MMP10: variants seen among roughly 807,000 people sequenced by gnomAD.
MMP10 encodes the protein matrix metallopeptidase 10, also known as stromelysin-2.
MMP10 carries 50 observed loss-of-function variants against 49.1 expected under a neutral mutation model. The observed-to-expected ratio is 1.02, with a 90% CI of 0.81 to 1.29. The LOEUF (loss-of-function observed/expected upper bound fraction) is 1.29. Among genes scored for constraint, MMP10 ranks in the 50% most tolerant of loss-of-function variants. The pLI is 0.00. For synonymous variants in MMP10, 229 were observed against 201.6 expected (o/e 1.14, Z -1.15); for missense variants, 613 against 563.8 (o/e 1.09, Z -0.88).
In MMP10 at chr11:102,780,492, C is replaced by A; in HGVS notation, c.100G>T (p.Ala34Ser). 6.2e-7 allele frequency: 1 copy of A among 1,613,812 alleles called. No homozygotes were observed. The highest frequency in any genetic ancestry group is 1.1e-5 in the South Asian group (1 of 91,026). The change falls in exon 1 of 10, where the codon GCC becomes TCC. Residue 34 changes from alanine (A) to serine (S), a missense_variant. Physicochemically the swap from Ala to Ser is moderately conservative, Grantham distance 99 (BLOSUM62 1). Transcript: ENST00000279441. ...AKEEDSNKDL[A>S]QQYLEKYYNL... ...TAGATGCCACCGTTAATTACCTGGG[C>A]AAGATCCTTGTTGGAGTCCTCCTCT...
In MMP10 at chr11:102,775,278, G is replaced by T; in HGVS notation, c.976C>A (p.His326Asn). The T allele has an allele frequency of 6.2e-7, 1 of 1,609,506 alleles. No homozygotes were observed. The highest frequency in any genetic ancestry group is 8.5e-7 in the Non-Finnish European group (1 of 1,177,524). ...RSHWNPEPEF[H>N]LISAFWPSLP... ...GAGGGCCAAAATGCAGAAATCAAAT[G>T]AAATTCAGGTTCAGGGTTCCAGTGG... The change falls in exon 7 of 10, where the codon CAT (histidine) becomes AAT (asparagine). Residue 326 changes from histidine (H) to asparagine (N), a missense_variant. By Grantham distance (68) the His-to-Asn change is moderately conservative (BLOSUM62 1). Transcript: ENST00000279441.
At position 102,772,921 on chromosome 11, in the gene MMP10, T is replaced by C. The variant is rs1294753773; in HGVS notation, c.1152A>G (p.Ile384Met). The change falls in exon 8 of 10, where the codon ATA becomes ATG. Residue 384 changes from isoleucine (I) to methionine (M), a missense_variant. By Grantham distance (10) the Ile-to-Met change is conservative. Coordinates refer to ENST00000279441, the MANE Select transcript of MMP10 (RefSeq NM_002425.3). The surrounding 1 kb of genome is among the most constrained non-coding windows in gnomAD (Gnocchi z 4.4). ...CAGAAACAGCTGCATCAATTTTCCT[T>C]ATGGTTGGAGGAAAACCCAGGGTAT... ...GIHTLGFPPT[I>M]RKIDAAVSDK... is the part of the protein sequence containing the mutation. 6.2e-7 allele frequency: 1 copy of C among 1,613,782 alleles called. No homozygotes were observed.
chr11:102,778,837 G>A, intron 3 of MMP10, 88 bp from the exon 4 acceptor site: 1 of 1,473,898 alleles, frequency 6.8e-7, no homozygotes, highest in South Asian at 1.2e-5. Flanking sequence ...TCTATAGTCT[G>A]AATGTTGGTG....
At position 102,780,536 on chromosome 11, in the gene MMP10, G is replaced by C. The variant is rs376598135; in HGVS notation, c.56C>G (p.Pro19Arg). 10 of 1,613,870 alleles carry C rather than the reference G, an allele frequency of 6.2e-6. No homozygotes were observed. Among genetic ancestry groups the C allele is most frequent in the Middle Eastern group, 1.6e-4 (1 of 6,082 alleles). ...LLCLPVCSAY[P>R]LSGAAKEEDS... ...CTCCTCTTTTGCTGCCCCACTCAGA[G>C]GATAGGCAGAGCAGACTGGCAGACA... Residue 19 changes from proline (P) to arginine (R), a missense_variant, in exon 1 of 10, where the codon CCT becomes CGT. By Grantham distance (103) the Pro-to-Arg change is moderately radical. Coordinates refer to ENST00000279441, the MANE Select transcript of MMP10 (RefSeq NM_002425.3).
In MMP10 at chr11:102,775,265, G is replaced by C; in HGVS notation, c.989C>G (p.Ala330Gly). ...NPEPEFHLIS[A>G]FWPSLPSYLD... ...ATATGATGGAAGAGAGGGCCAAAAT[G>C]CAGAAATCAAATGAAATTCAGGTTC... Residue 330 changes from alanine (A) to glycine (G), a missense_variant, in exon 7 of 10, where the codon GCA (alanine) becomes GGA (glycine). Physicochemically the swap from Ala to Gly is moderately conservative, Grantham distance 60. Coordinates refer to ENST00000279441, the MANE Select transcript of MMP10 (RefSeq NM_002425.3). 1 of 1,609,320 alleles carries C rather than the reference G, an allele frequency of 6.2e-7. No homozygotes were observed. Among genetic ancestry groups the C allele is most frequent in the Non-Finnish European group, 8.5e-7 (1 of 1,177,320 alleles).
intron 9 of MMP10, 31 bp from the exon 10 acceptor site, chr11:102,770,924 C>T: frequency 7.1e-7 from 1 of 1,404,330 alleles, no homozygotes; most frequent in Non-Finnish European, 1.0e-6. Context: ...AATGATGAGA[C>T]ATCTTCAAAT....
chr11:102,772,102 T>G lies in MMP10; in HGVS notation c.1240A>C (p.Ser414Arg). 1.9e-6 allele frequency: 3 copies of G among 1,609,770 alleles called. No individual in the cohort carries two copies. The highest frequency in any genetic ancestry group is 2.6e-6 in the Non-Finnish European group (3 of 1,176,450). Reference protein sequence around the residue: ...ADKYWRFDENSQSMEQGFPRL... With the variant: ...ADKYWRFDENRQSMEQGFPRL... ...GGGAAGCCTTGCTCCATGGACTGGC[T>G]ATTTTCATCAAATCTAAACCAAATG... The change falls in exon 9 of 10, where the codon AGC (serine) becomes CGC (arginine). Residue 414 changes from serine (S) to arginine (R), a missense_variant. Transcript: ENST00000279441. The surrounding 1 kb of genome is among the most constrained non-coding windows in gnomAD (Gnocchi z 4.4).
At position 102,770,649 on chromosome 11, in the gene MMP10, A is replaced by G; in HGVS notation, c.*144T>C. On this transcript the variant is annotated 3_prime_UTR_variant, in exon 10 of 10. Transcript: ENST00000279441. ...GTGAAGAATTCCAGAAACATTCTTC[A>G]TGACACATGCAGATATCTGCAAGGC... 2 of 531,050 alleles carry G rather than the reference A, an allele frequency of 3.8e-6. No homozygotes were observed. The highest frequency in any genetic ancestry group is 6.6e-6 in the Non-Finnish European group (2 of 304,348). The allele number at this position is 531,050 out of a possible 1,614,324, so 32.9% of individuals were successfully genotyped here.
chr11:102,772,718 T>C lies in MMP10; in HGVS notation c.1226+129A>G. The C allele has an allele frequency of 2.1e-6, 2 of 950,412 alleles. No individual in the cohort carries two copies. The highest frequency in any genetic ancestry group is 1.7e-5 in the South Asian group (1 of 57,466). The allele number at this position is 950,412 out of a possible 1,614,324, so 58.9% of individuals were successfully genotyped here. On this transcript the variant is annotated intron_variant, in intron 8 of 9. Transcript: ENST00000279441. The surrounding 1 kb of genome is among the most constrained non-coding windows in gnomAD (Gnocchi z 4.4). ...CGGAAGGTAGAACAATAAGCTGTCT[T>C]CCTCATAATCATAAATTTTGAAGTT...
In MMP10 at chr11:102,772,126, T is replaced by C. The variant is rs372417761; in HGVS notation, c.1227-11A>G. The C allele has an allele frequency of 1.3e-6, 2 of 1,527,604 alleles. No homozygotes were observed. The highest frequency in any genetic ancestry group is 1.8e-6 in the Non-Finnish European group (2 of 1,102,408). The allele number at this position is 1,527,604 out of a possible 1,614,324, so 94.6% of individuals were successfully genotyped here. On this transcript the variant is annotated splice_polypyrimidine_tract_variant and intron_variant, in intron 8 of 9. Coordinates refer to ENST00000279441, the MANE Select transcript of MMP10 (RefSeq NM_002425.3). The surrounding 1 kb of genome is among the most constrained non-coding windows in gnomAD (Gnocchi z 4.4). ...CTATTTTCATCAAATCTAAACCAAA[T>C]GAAAGAAATACAGTTCAATGATGTG...
intron 6 of MMP10, 56 bp from the exon 7 acceptor site, chr11:102,775,377 A>T: frequency 6.8e-7 from 1 of 1,475,994 alleles, no homozygotes; most frequent in Non-Finnish European, 9.1e-7. Context: ...TGTGAAAAAA[A>T]AATTCTTTTT....
At position 102,775,382 on chromosome 11, in the gene MMP10, C is replaced by A. The variant is rs1315826635; in HGVS notation, c.933-61G>T. 1.3e-5 allele frequency: 19 copies of A among 1,407,522 alleles called. No individual in the cohort carries two copies. In the East Asian group the frequency reaches 2.9e-4, roughly 22 times the overall value. 87.2% of individuals were successfully genotyped at this position (1,407,522 alleles called of 1,614,324 possible). On this transcript the variant is annotated intron_variant, in intron 6 of 9. Transcript: ENST00000279441. Reference sequence around the variant, plus strand: ...CTTTTAGATATGTGAAAAAAAAATTCTTTTTTTTTAAATCCATGCTAATTC... The same window carrying A: ...CTTTTAGATATGTGAAAAAAAAATTATTTTTTTTTAAATCCATGCTAATTC...
In MMP10 at chr11:102,779,551, G is replaced by A. The variant is rs1469515975; in HGVS notation, c.300C>T (p.Ser100=). 6.2e-7 allele frequency: 1 copy of A among 1,614,092 alleles called. No homozygotes were observed. The highest frequency in any genetic ancestry group is 8.5e-7 in the Non-Finnish European group (1 of 1,180,032). ...TCCACTTCGGCATGCCAGGAAAGGA[G>A]CTGAAGTGACCAACGTCAGGAACTC... is the stretch of plus-strand genomic sequence containing the variant. ...RCGVPDVGHF[S]SFPGMPKWRK... Residue 100 remains serine (S), a synonymous_variant, in exon 2 of 10, where the codon AGC becomes AGT. Transcript: ENST00000279441.
chr11:102,776,924 T>C, intron 4 of MMP10, 148 bp from the exon 5 acceptor site: 1 of 928,836 alleles, frequency 1.1e-6, no homozygotes, highest in Non-Finnish European at 1.6e-6. Flanking sequence ...GCACATTCCA[T>C]ACTTTATAGA....
intron 6 of MMP10, 40 bp from the exon 7 acceptor site, chr11:102,775,361 T>C (rs1862012149): frequency 2.0e-6 from 3 of 1,537,356 alleles, no homozygotes; most frequent in Non-Finnish European, 1.8e-6. Flanking sequence ...CTTTCTCTTT[T>C]AGATATGTGA....
At chr11:102,779,864 T>C (rs1282115186) in intron 1 of MMP10, 119 bp from the exon 2 acceptor site, 2 of 1,207,272 alleles carry the variant, frequency 1.7e-6, no homozygotes, top group Non-Finnish European at 2.3e-6. Flanking sequence ...CACATTTAAT[T>C]TGATTTTTCA....
chr11:102,779,796 T>C, intron 1 of MMP10, 51 bp from the exon 2 acceptor site: 1 of 1,570,464 alleles, frequency 6.4e-7, no homozygotes, highest in South Asian at 1.2e-5. Context: ...CCATCATTTA[T>C]CCAACTTTTA....
intron 3 of MMP10, 103 bp from the exon 4 acceptor site, chr11:102,778,852 C>A: frequency 7.3e-7 from 1 of 1,376,028 alleles, no homozygotes; most frequent in Non-Finnish European, 1.0e-6. Flanking sequence ...TTGGTGTCTG[C>A]TGCAAATTCA....
intron 6 of MMP10, 67 bp from the exon 7 acceptor site, chr11:102,775,388 T>C: frequency 7.2e-7 from 1 of 1,385,518 alleles, no homozygotes; most frequent in Non-Finnish European, 9.8e-7. Flanking sequence ...AATTCTTTTT[T>C]TTTAAATCCA....
Sources: allele counts gnomAD v4.1 joint callset, GRCh38; gene constraint gnomAD v4.1.1; non-coding constraint Gnocchi (gnomAD v3.1); transcripts MANE v1.5; gene names NCBI Gene and HGNC (gene_info 2026-07-23, HGNC 2026-07-21).